Variants in ROBO1 observed in about 807,000 individuals in gnomAD.
The protein encoded by ROBO1 is roundabout guidance receptor 1, also known as roundabout homolog 1.
ROBO1 carries 149 observed loss-of-function variants against 195.9 expected under a neutral mutation model. That is an observed-to-expected ratio of 0.76 (90% CI 0.67 to 0.87). ROBO1 has a LOEUF of 0.87. Ranked by LOEUF, ROBO1 falls within the 40% of genes least tolerant of loss-of-function variation. The pLI, the probability that ROBO1 is intolerant of heterozygous loss-of-function variation, is 0.00. For missense variants in ROBO1, 1,933 were observed against 2,068.3 expected (o/e 0.93, Z 1.27); for synonymous variants, 816 against 733.2 (o/e 1.11, Z -1.82).
intron 1 of ROBO1, among the ~76,000 whole-genome samples, chr3:79,663,563 G>A (rs892091164): frequency 6.6e-6 from 1 of 151,948 alleles, no homozygotes. Context: ...GGTTGCCCAG[G>A]CTGGTCTCTC....
At chr3:78,897,825 T>TAAGAA (rs2037329568) in intron 4 of ROBO1, among the ~76,000 whole-genome samples, 2 of 152,102 alleles carry the variant, frequency 1.3e-5, no homozygotes, top group African/African-American at 4.8e-5. Flanking sequence ...AGATTTTTCT[T>TAAGAA]TCTTGAGTTG....
intron 2 of ROBO1, among the ~76,000 whole-genome samples, chr3:79,541,773 ATG>A (rs1242532945): frequency 6.7e-6 from 1 of 150,256 alleles, no homozygotes; most frequent in African/African-American, 2.4e-5. Flanking sequence ...GTGTCTATAT[ATG>A]TGTGTGTATA....
intron 4 of ROBO1, among the ~76,000 whole-genome samples, chr3:78,867,818 T>C (rs1403289610): frequency 6.6e-6 from 1 of 152,106 alleles, no homozygotes; most frequent in African/African-American, 2.4e-5. Context: ...ACCCTTATCT[T>C]GTGATTCATA....
In ROBO1 at chr3:78,787,919, C is replaced by G. The variant is rs893678335; in HGVS notation, c.500-41019G>C. Among the ~76,000 whole-genome samples, 4 of 144,304 alleles carry G rather than the reference C, an allele frequency of 2.8e-5. 1 individual carries two copies. The highest frequency in any genetic ancestry group is 1.4e-4 in the Admixed American group (2 of 14,094). 94.7% of individuals were successfully genotyped at this position (144,304 alleles called of 152,430 possible). A position where few individuals can be genotyped will look rare whatever the true frequency, so the allele number is the denominator to read the frequency against. ...TTTGAGCCTGGCCACAGAGTTAGAC[C>G]CCTTCTCTTTTTTTTTTTTTTTTTT... On this transcript the variant is annotated intron_variant, in intron 4 of 30. Coordinates refer to ENST00000464233, the MANE Select transcript of ROBO1 (RefSeq NM_002941.4).
At chr3:79,096,109 A>C (rs1373204126) in intron 3 of ROBO1, among the ~76,000 whole-genome samples, 3 of 151,994 alleles carry the variant, frequency 2.0e-5, no homozygotes, top group African/African-American at 7.2e-5. Context: ...TTTAGGTCAA[A>C]GTTGTATTCA....
chr3:79,636,325 G>A (rs1945494753), intron 1 of ROBO1, among the ~76,000 whole-genome samples: 1 of 152,076 alleles, frequency 6.6e-6, no homozygotes, highest in African/African-American at 2.4e-5. Flanking sequence ...ATATATACTA[G>A]AGAAACAACA....
In ROBO1 at chr3:79,060,985, G is replaced by C. The variant is rs575621700; in HGVS notation, c.172+64471C>G. Among the ~76,000 whole-genome samples, 14 of 152,246 alleles carry C rather than the reference G, an allele frequency of 9.2e-5. No individual in the cohort carries two copies. In the South Asian group the frequency reaches 2.9e-3, roughly 32 times the overall value. On this transcript the variant is annotated intron_variant, in intron 3 of 30. Coordinates refer to ENST00000464233, the MANE Select transcript of ROBO1 (RefSeq NM_002941.4). The stretch of plus-strand genomic sequence containing the variant: ...CACCACTCCTATTCAACATACTGTT[G>C]AAAGTTCTGGCCAGGGCAATCAGGC...
intron 3 of ROBO1, 116 bp downstream of exon 3, chr3:79,125,340 T>G: frequency 1.3e-6 from 1 of 793,622 alleles, no homozygotes; most frequent in Non-Finnish European, 2.1e-6. Flanking sequence ...AATGAGAAAT[T>G]GTGGTTGTTA....
chr3:78,597,950 CAAAAAAAAA>C lies in ROBO1; in HGVS notation c.*954_*962del, dbSNP rs35691197. ...AGTTTAGTGATTGTGCTTTTAAAAC[CAAAAAAAAA>C]AAAAAAAAGAGAGAGAGATTAAAAA... On this transcript the variant is annotated 3_prime_UTR_variant, in exon 31 of 31. Transcript: ENST00000464233. 9.1e-6 allele frequency: 1 copy of C among 109,472 alleles called. No individual in the cohort carries two copies. Among genetic ancestry groups the C allele is most frequent in the Non-Finnish European group, 2.0e-5 (1 of 50,590 alleles). 6.8% of individuals were successfully genotyped at this position (109,472 alleles called of 1,614,324 possible).
In ROBO1 at chr3:79,647,315, A is replaced by G. The variant is rs1945848353; in HGVS notation, c.-50-57354T>C. ...TCTCATGCTACAAAAATTTCCCTCT[A>G]CAATTATTAGATAGTGTATAAGTAG... On this transcript the variant is annotated intron_variant, in intron 1 of 30. Coordinates refer to ENST00000464233, the MANE Select transcript of ROBO1 (RefSeq NM_002941.4). Among the ~76,000 whole-genome samples, 3 of 152,212 alleles carry G rather than the reference A, an allele frequency of 2.0e-5. No individual in the cohort carries two copies. The South Asian group carries it at 6.2e-4, about 32-fold the overall frequency.
chr3:78,687,792 T>C (rs1209358431), intron 9 of ROBO1, among the ~76,000 whole-genome samples: 1 of 151,906 alleles, frequency 6.6e-6, no homozygotes, highest in Non-Finnish European at 1.5e-5. Flanking sequence ...GCCCCACTAA[T>C]TGTTTATTTT....
chr3:78,879,527 T>A (rs940670683), intron 4 of ROBO1, among the ~76,000 whole-genome samples: 10 of 147,370 alleles, frequency 6.8e-5, no homozygotes, highest in African/African-American at 1.2e-4. Flanking sequence ...TTCATTCATT[T>A]AAAAAAAAAA....
At chr3:79,517,213 G>C (rs77560321) in intron 2 of ROBO1, among the ~76,000 whole-genome samples, 2,935 of 152,150 alleles carry the variant, frequency 0.019, 116 homozygotes, top group African/African-American at 0.066. Context: ...TGTCACTCCT[G>C]GGTTCATTTC....
chr3:79,413,559 T>TA (rs1406829878), intron 2 of ROBO1, among the ~76,000 whole-genome samples: 11 of 152,110 alleles, frequency 7.2e-5, no homozygotes, highest in Non-Finnish European at 1.6e-4. Flanking sequence ...TCAGGATTGC[T>TA]AGATGTTTCG....
chr3:78,787,410 A>T, intron 4 of ROBO1, among the ~76,000 whole-genome samples: 1 of 151,872 alleles, frequency 6.6e-6, no homozygotes, highest in Admixed American at 6.6e-5. Flanking sequence ...GCAAATCAGA[A>T]TTTTTTTTTA....
At chr3:79,248,948 G>A (rs935132601) in intron 2 of ROBO1, among the ~76,000 whole-genome samples, 6 of 152,014 alleles carry the variant, frequency 3.9e-5, no homozygotes, top group South Asian at 2.1e-4. Context: ...GAAAGGGTTC[G>A]GTTTTAAACA....
chr3:79,423,224 T>C (rs949089089), intron 2 of ROBO1, among the ~76,000 whole-genome samples: 2 of 151,982 alleles, frequency 1.3e-5, no homozygotes, highest in African/African-American at 2.4e-5. Context: ...AGTCTGAAAA[T>C]AGATGAGATT....
chr3:78,713,990 G>T (rs150975572), intron 8 of ROBO1, among the ~76,000 whole-genome samples: 30 of 152,160 alleles, frequency 2.0e-4, no homozygotes, highest in Non-Finnish European at 3.7e-4. Context: ...CCTGAAAGTG[G>T]ATGATCTTGA....
At chr3:78,631,010 CT>C in intron 25 of ROBO1, 150 bp downstream of exon 25, 1 of 790,072 alleles carries the variant, frequency 1.3e-6, no homozygotes, top group Non-Finnish European at 1.9e-6. Flanking sequence ...AGAATTTTTA[CT>C]TCCTGCTGAC....
Sources: allele counts gnomAD v4.1 joint callset (sites outside exome capture counted in the v4.1 genomes callset), GRCh38; gene constraint gnomAD v4.1.1; transcripts MANE v1.5; gene names NCBI Gene and HGNC (gene_info 2026-07-23, HGNC 2026-07-21).